Variants in ADAMTSL1 observed in about 807,000 individuals in gnomAD.
ADAMTSL1 encodes ADAMTS like 1.
In ADAMTSL1, 126 loss-of-function variants were observed where a neutral mutation model predicts 201.8. That is an observed-to-expected ratio of 0.62 (90% confidence interval 0.54 to 0.72). The LOEUF (loss-of-function observed/expected upper bound fraction) is 0.72, where lower values mean the gene tolerates loss of function less well. Ranked by LOEUF, ADAMTSL1 falls within the 30% of genes least tolerant of loss-of-function variation. The pLI is 0.00. For missense variants in ADAMTSL1, 2,679 were observed against 2,277.8 expected, an observed-to-expected ratio of 1.18 and a Z score of -3.59; for synonymous variants, 1,121 against 903.4, an observed-to-expected ratio of 1.24 and a Z score of -4.32.
chr9:18,035,469 G>A (rs980118074), intron 1 of ADAMTSL1, among the ~76,000 whole-genome samples: 2 of 152,096 alleles, frequency 1.3e-5, no homozygotes, highest in Non-Finnish European at 2.9e-5. Flanking sequence ...GTTATCCCAG[G>A]GAAAGCAGTC....
intron 15 of ADAMTSL1, among the ~76,000 whole-genome samples, chr9:18,737,883 G>A (rs1445292079): frequency 1.3e-5 from 2 of 152,176 alleles, no homozygotes; most frequent in Non-Finnish European, 2.9e-5. Context: ...TCGGAATGTA[G>A]TATCTAGAGC....
intron 2 of ADAMTSL1, among the ~76,000 whole-genome samples, chr9:18,330,066 T>C (rs1834971165): frequency 6.6e-6 from 1 of 152,208 alleles, no homozygotes; most frequent in African/African-American, 2.4e-5. Context: ...GAAATGAGAC[T>C]TAATGTCAAT....
At chr9:18,364,877 C>T (rs983982921) in intron 2 of ADAMTSL1, among the ~76,000 whole-genome samples, 2 of 151,956 alleles carry the variant, frequency 1.3e-5, no homozygotes, top group African/African-American at 4.8e-5. Context: ...ACAACCAGAC[C>T]TCACAATAAC....
chr9:18,086,584 T>C (rs577890806), intron 1 of ADAMTSL1, among the ~76,000 whole-genome samples: 1 of 152,282 alleles, frequency 6.6e-6, no homozygotes, highest in African/African-American at 2.4e-5. Flanking sequence ...AAAGAGATAT[T>C]ATTAAGCAGT....
chr9:18,485,557 G>A (rs769590267), intron 1 of ADAMTSL1, among the ~76,000 whole-genome samples: 14 of 152,194 alleles, frequency 9.2e-5, no homozygotes, highest in Non-Finnish European at 1.6e-4. Flanking sequence ...ACAAAGAATG[G>A]GAGGGATGCT....
intron 1 of ADAMTSL1, among the ~76,000 whole-genome samples, chr9:18,163,031 G>A (rs1827465379): frequency 6.6e-6 from 1 of 151,998 alleles, no homozygotes; most frequent in African/African-American, 2.4e-5. Flanking sequence ...GCATAGAGAG[G>A]CAGGAGGAGG....
At chr9:18,053,782 G>A (rs34071014) in intron 1 of ADAMTSL1, among the ~76,000 whole-genome samples, 9 of 152,252 alleles carry the variant, frequency 5.9e-5, no homozygotes, top group African/African-American at 1.9e-4. Flanking sequence ...ACCAGGCTCC[G>A]AGGAGGCTTC....
intron 7 of ADAMTSL1, among the ~76,000 whole-genome samples, chr9:18,653,946 G>T (rs116953080): frequency 0.033 from 5,018 of 152,252 alleles, 100 homozygotes; most frequent in South Asian, 0.073. Flanking sequence ...GTGCTCTTGG[G>T]GTTGGGTGTG....
chr9:17,985,451 A>C (rs1818886579), intron 1 of ADAMTSL1, among the ~76,000 whole-genome samples: 1 of 152,158 alleles, frequency 6.6e-6, no homozygotes, highest in Admixed American at 6.6e-5. Context: ...ATTTAACCAC[A>C]AGGAAAATAA....
chr9:18,903,517 A>C (rs1197856636), intron 26 of ADAMTSL1, among the ~76,000 whole-genome samples: 2 of 152,200 alleles, frequency 1.3e-5, no homozygotes, highest in Non-Finnish European at 2.9e-5. Flanking sequence ...TTATTTCTTC[A>C]CGTGTATACA....
At chr9:17,914,882 A>G (rs1050800850) in intron 1 of ADAMTSL1, among the ~76,000 whole-genome samples, 5 of 152,196 alleles carry the variant, frequency 3.3e-5, no homozygotes, top group Non-Finnish European at 7.3e-5. Flanking sequence ...CCAATAACAG[A>G]CAAACAGAGA....
At chr9:18,449,785 C>T (rs185912846) in intron 2 of ADAMTSL1, among the ~76,000 whole-genome samples, 225 of 152,198 alleles carry the variant, frequency 1.5e-3, no homozygotes, top group African/African-American at 5.2e-3. Flanking sequence ...GCTTTTTCAA[C>T]GTTATTAGTC....
chr9:18,615,460 G>T (rs1258096499), intron 4 of ADAMTSL1, among the ~76,000 whole-genome samples: 1 of 152,120 alleles, frequency 6.6e-6, no homozygotes, highest in Non-Finnish European at 1.5e-5. Flanking sequence ...TAGAGGTAAT[G>T]ATCTTGATTA....
At chr9:18,257,540 T>TATCACA in intron 2 of ADAMTSL1, among the ~76,000 whole-genome samples, 1 of 152,282 alleles carries the variant, frequency 6.6e-6, no homozygotes, top group African/African-American at 2.4e-5. Context: ...AATGTGTGGG[T>TATCACA]GATGATATGG....
Position 18,887,847 on chromosome 9 carries a change from T to C in ADAMTSL1, c.4266T>C (p.Gly1422=). The C allele has an allele frequency of 6.2e-7, 1 of 1,613,824 alleles. No individual in the cohort carries two copies. The highest frequency in any genetic ancestry group is 1.1e-5 in the South Asian group (1 of 91,020). Residue 1422 remains glycine (G), a synonymous_variant, in exon 24 of 29, where the codon GGT becomes GGC. Transcript: ENST00000380548. ...TCCTTCTAGGCTGCCCCATCAAAGG[T>C]CACCCTGTCCCTAATATCACCTGGT... The part of the protein sequence containing the change: ...NSALLGCPIK[G]HPVPNITWFH...
At chr9:18,090,993 G>A (rs1823987703) in intron 1 of ADAMTSL1, among the ~76,000 whole-genome samples, 1 of 151,644 alleles carries the variant, frequency 6.6e-6, no homozygotes, top group African/African-American at 2.4e-5. Flanking sequence ...CTCCTCAATG[G>A]TACCTTCTCC....
intron 2 of ADAMTSL1, among the ~76,000 whole-genome samples, chr9:18,350,197 A>C (rs1835905171): frequency 6.6e-6 from 1 of 151,998 alleles, no homozygotes; most frequent in Admixed American, 6.6e-5. Context: ...AGAACCACAA[A>C]ATACTCTTCA....
chr9:18,314,819 CG>C (rs1563880464), intron 2 of ADAMTSL1, among the ~76,000 whole-genome samples: 1 of 54,794 alleles, frequency 1.8e-5, no homozygotes, highest in Non-Finnish European at 3.5e-5. Flanking sequence ...TTTTTTGAGA[CG>C]GAGTCTTGCT....
At chr9:18,905,622 G>A (rs1185019869) in intron 26 of ADAMTSL1, 160 bp from the exon 27 acceptor site, 2 of 598,990 alleles carry the variant, frequency 3.3e-6, no homozygotes, top group African/African-American at 1.8e-5. Context: ...AAACGTATCA[G>A]TGAGTGTCTT....
Sources: allele counts gnomAD v4.1 joint callset (sites outside exome capture counted in the v4.1 genomes callset), GRCh38; gene constraint gnomAD v4.1.1; transcripts MANE v1.5; gene names NCBI Gene and HGNC (gene_info 2026-07-23, HGNC 2026-07-21).